KCNAB1: variants seen among roughly 807,000 people sequenced by gnomAD.
The protein encoded by KCNAB1 is voltage-gated potassium channel subunit beta-1.
KCNAB1 carries 35 observed loss-of-function variants against 64.6 expected under a neutral mutation model. The observed-to-expected ratio is 0.54, with a 90% CI of 0.41 to 0.72. The LOEUF is 0.72. Ranked by LOEUF, KCNAB1 falls within the 30% of genes least tolerant of loss-of-function variation. The probability of loss-of-function intolerance (pLI) is 0.00; values close to 1 mark genes in which losing one functional copy is unlikely to be tolerated. For missense variants in KCNAB1, 401 were observed against 512.9 expected (o/e 0.78, Z 2.11); for synonymous variants, 177 against 183.8 (o/e 0.96, Z 0.30).
intron 9 of KCNAB1, 140 bp from the exon 10 acceptor site, chr3:156,514,960 A>G (rs3817366): frequency 0.49 from 350,013 of 720,874 alleles, 86,833 homozygotes; most frequent in African/African-American, 0.62. Context: ...GTGGTGACAA[A>G]TTTGCTTATT....
intron 12 of KCNAB1, among the ~76,000 whole-genome samples, chr3:156,525,767 G>A (rs952726454): frequency 7.2e-5 from 11 of 152,336 alleles, no homozygotes; most frequent in Admixed American, 2.6e-4. Context: ...GCCTGCCTTG[G>A]CCGCCTAAAG....
intron 1 of KCNAB1, among the ~76,000 whole-genome samples, chr3:156,180,978 G>A (rs887878105): frequency 7.2e-5 from 11 of 152,172 alleles, no homozygotes; most frequent in African/African-American, 2.4e-4. Context: ...GGGCAGGGTA[G>A]GGTTCTCCTG....
intron 13 of KCNAB1, among the ~76,000 whole-genome samples, chr3:156,533,320 A>C (rs1455542326): frequency 1.3e-5 from 2 of 152,186 alleles, no homozygotes; most frequent in East Asian, 3.8e-4. Flanking sequence ...AACCATTCAC[A>C]AGTCTTCACA....
chr3:156,290,898 C>T (rs1189483707), intron 1 of KCNAB1: 26 of 910,816 alleles, frequency 2.9e-5, no homozygotes, highest in Non-Finnish European at 3.3e-5. Context: ...TAAGAAATAA[C>T]TTGCAGAGAG....
At chr3:156,385,745 A>G (rs1712536432) in intron 1 of KCNAB1, among the ~76,000 whole-genome samples, 1 of 152,230 alleles carries the variant, frequency 6.6e-6, no homozygotes, top group South Asian at 2.1e-4. Context: ...CTCTTTCAGA[A>G]GTTTATTCAT....
chr3:156,201,404 T>A (rs1446333310), intron 1 of KCNAB1, among the ~76,000 whole-genome samples: 1 of 152,222 alleles, frequency 6.6e-6, no homozygotes, highest in Non-Finnish European at 1.5e-5. Context: ...TCTCTTTCAC[T>A]ATCCACATCC....
At chr3:156,208,896 A>G (rs1714837817) in intron 1 of KCNAB1, among the ~76,000 whole-genome samples, 1 of 152,238 alleles carries the variant, frequency 6.6e-6, no homozygotes, top group Non-Finnish European at 1.5e-5. Flanking sequence ...AATCTCAGTT[A>G]TGGGATAGTT....
intron 2 of KCNAB1, among the ~76,000 whole-genome samples, chr3:156,443,772 AC>A (rs1559887245): frequency 0.012 from 1,716 of 146,510 alleles, 38 homozygotes; most frequent in African/African-American, 0.041. Flanking sequence ...ACACACACAC[AC>A]ACACACACTA....
At chr3:156,269,336 T>C (rs1013671952) in intron 1 of KCNAB1, among the ~76,000 whole-genome samples, 1 of 152,218 alleles carries the variant, frequency 6.6e-6, no homozygotes, top group East Asian at 1.9e-4. Context: ...CCTTATTCAA[T>C]TGTGGTCAGA....
At chr3:156,250,540 T>C (rs140039682) in intron 1 of KCNAB1, among the ~76,000 whole-genome samples, 1 of 152,174 alleles carries the variant, frequency 6.6e-6, no homozygotes, top group South Asian at 2.1e-4. Context: ...TGTCCCCAAA[T>C]GTATGGTGTA....
chr3:156,420,953 A>G (rs1715424384), intron 1 of KCNAB1, among the ~76,000 whole-genome samples: 1 of 150,182 alleles, frequency 6.7e-6, no homozygotes, highest in Non-Finnish European at 1.5e-5. Context: ...ATATACACAC[A>G]CACACATATA....
intron 1 of KCNAB1, among the ~76,000 whole-genome samples, chr3:156,418,099 T>C (rs17317344): frequency 0.019 from 2,907 of 152,342 alleles, 32 homozygotes; most frequent in South Asian, 0.033. Flanking sequence ...AGACTTGTTT[T>C]TGATATCTCT....
At chr3:156,505,901 CTGAG>C (rs1716806329) in intron 8 of KCNAB1, among the ~76,000 whole-genome samples, 2 of 152,146 alleles carry the variant, frequency 1.3e-5, no homozygotes, top group Admixed American at 1.3e-4. Context: ...CTCATGTGAA[CTGAG>C]TGAGTGAGAA....
At position 156,198,436 on chromosome 3, in the gene KCNAB1, G is replaced by A. The variant is rs553524313; in HGVS notation, c.275+77550G>A. On this transcript the variant is annotated intron_variant, in intron 1 of 13. Transcript: ENST00000490337. Reference sequence around the variant, plus strand: ...GTGTGGGAGTCTAAGTCTCTTTGTAGCTCTCTAAGAACTTGTTTTATGAAT... The same window carrying A: ...GTGTGGGAGTCTAAGTCTCTTTGTAACTCTCTAAGAACTTGTTTTATGAAT... 2.6e-3 allele frequency among the ~76,000 whole-genome samples: 390 copies of A among 152,198 alleles called. 3 individuals carry two copies. The highest frequency in any genetic ancestry group is 8.7e-3 in the African/African-American group (360 of 41,518).
chr3:156,354,344 T>C (rs1560213054), intron 1 of KCNAB1, among the ~76,000 whole-genome samples: 3 of 151,238 alleles, frequency 2.0e-5, no homozygotes, highest in African/African-American at 2.4e-5. Flanking sequence ...GTATTTTTAG[T>C]AGGATGGGGT....
intron 1 of KCNAB1, among the ~76,000 whole-genome samples, chr3:156,288,564 G>A (rs1720220769): frequency 1.3e-5 from 2 of 152,188 alleles, no homozygotes; most frequent in South Asian, 4.2e-4. Flanking sequence ...CTGGGCTCCT[G>A]AGACCGACTG....
At chr3:156,529,505 G>A (rs74337007) in intron 12 of KCNAB1, among the ~76,000 whole-genome samples, 1 of 138,490 alleles carries the variant, frequency 7.2e-6, no homozygotes, top group Non-Finnish European at 1.6e-5. Flanking sequence ...AAAAAAAAAA[G>A]AGCATGGTCC....
chr3:156,119,847 C>T (rs1713239132), upstream of KCNAB1, among the ~76,000 whole-genome samples: 1 of 152,160 alleles, frequency 6.6e-6, no homozygotes, highest in South Asian at 2.1e-4. Flanking sequence ...CATACACATC[C>T]ATGCACATAC....
intron 1 of KCNAB1, among the ~76,000 whole-genome samples, chr3:156,208,322 GCTC>G (rs973648827): frequency 6.6e-6 from 1 of 152,110 alleles, no homozygotes; most frequent in Non-Finnish European, 1.5e-5. Flanking sequence ...TCTTTTTGAT[GCTC>G]CTCCTTTTTC....
Sources: allele counts gnomAD v4.1 joint callset (sites outside exome capture counted in the v4.1 genomes callset), GRCh38; gene constraint gnomAD v4.1.1; transcripts MANE v1.5; gene names NCBI Gene and HGNC (gene_info 2026-07-23, HGNC 2026-07-21).